The following GABRR2 variants were observed in gnomAD, a reference collection of about 807,000 sequenced individuals.
GABRR2 encodes gamma-aminobutyric acid type A receptor subunit rho2.
In GABRR2, 36 loss-of-function variants were observed where a neutral mutation model predicts 47.0. The ratio of observed to expected loss-of-function variants is 0.77; its 90% CI spans 0.59 to 1.01. The LOEUF (loss-of-function observed/expected upper bound fraction) is 1.01. GABRR2 is among the 50% of genes least tolerant of loss of function. GABRR2 has a pLI of 0.00. For synonymous variants in GABRR2, 204 were observed against 227.5 expected (o/e 0.90, Z 0.93); for missense variants, 587 against 594.6 (o/e 0.99, Z 0.13).
At chr6:89,303,986 C>A (rs1369092539) in intron 1 of GABRR2, among the ~76,000 whole-genome samples, 1 of 151,960 alleles carries the variant, frequency 6.6e-6, no homozygotes, top group Non-Finnish European at 1.5e-5. Flanking sequence ...GTATAAAACT[C>A]AAAACTATAA....
chr6:89,271,107 G>GCAAACTGAAAGAGAGGCATAC (rs1296875476), intron 3 of GABRR2, among the ~76,000 whole-genome samples: 1 of 152,116 alleles, frequency 6.6e-6, no homozygotes, highest in Non-Finnish European at 1.5e-5. Context: ...GAGGAAGTTT[G>GCAAACTGAAAGAGAGGCATAC]CAAACTGAAA....
At chr6:89,295,211 G>A (rs147085162) in intron 2 of GABRR2, among the ~76,000 whole-genome samples, 2,451 of 152,224 alleles carry the variant, frequency 0.016, 67 homozygotes, top group African/African-American at 0.054. Flanking sequence ...TTGAGGAATC[G>A]CCACACTATC....
At chr6:89,292,717 GAT>G (rs1774473230) in intron 2 of GABRR2, among the ~76,000 whole-genome samples, 1 of 138,784 alleles carries the variant, frequency 7.2e-6, no homozygotes, top group Non-Finnish European at 1.6e-5. Flanking sequence ...ATATATATCA[GAT>G]ATATATCGTA....
intron 1 of GABRR2, chr6:89,302,253 A>G: frequency 1.8e-6 from 1 of 570,406 alleles, no homozygotes; most frequent in Non-Finnish European, 3.5e-6. Context: ...CATGAGGAGT[A>G]TCCCAACTGC....
At chr6:89,292,229 TCC>T (rs1049532389) in intron 2 of GABRR2, among the ~76,000 whole-genome samples, 9 of 151,546 alleles carry the variant, frequency 5.9e-5, no homozygotes, top group African/African-American at 1.9e-4. Flanking sequence ...TGATACTATA[TCC>T]CTCCAGTATC....
chr6:89,291,555 A>C (rs1774441262), intron 2 of GABRR2, among the ~76,000 whole-genome samples: 1 of 151,448 alleles, frequency 6.6e-6, no homozygotes, highest in South Asian at 2.1e-4. Flanking sequence ...GCTCCGGGGT[A>C]TACCCTTCTT....
chr6:89,278,497 A>G (rs1774204572), intron 2 of GABRR2, among the ~76,000 whole-genome samples: 1 of 152,250 alleles, frequency 6.6e-6, no homozygotes, highest in African/African-American at 2.4e-5. Context: ...ATTTGGAAAC[A>G]GTGACTTAAA....
chr6:89,309,426 T>C (rs1199602144), intron 1 of GABRR2, among the ~76,000 whole-genome samples: 5 of 152,024 alleles, frequency 3.3e-5, no homozygotes, highest in Admixed American at 3.3e-4. Context: ...TCAAACTGGA[T>C]TCTAGGCTCT....
intron 2 of GABRR2, among the ~76,000 whole-genome samples, chr6:89,285,462 C>T (rs148391937): frequency 4.5e-3 from 684 of 152,288 alleles, no homozygotes; most frequent in Non-Finnish European, 7.1e-3. Context: ...ATGAGCACCA[C>T]GTGTGAGCAT....
chr6:89,296,665 C>T (rs1774559475), intron 2 of GABRR2, among the ~76,000 whole-genome samples: 1 of 152,224 alleles, frequency 6.6e-6, no homozygotes, highest in South Asian at 2.1e-4. Context: ...GAGGGCCCCA[C>T]AGAAGGGCCC....
chr6:89,266,035 A>G (rs1450822221), intron 6 of GABRR2, among the ~76,000 whole-genome samples: 3 of 152,152 alleles, frequency 2.0e-5, no homozygotes, highest in Admixed American at 6.6e-5. Context: ...GCAGAACTAA[A>G]CAGAAGGGAA....
At chr6:89,258,283 T>C (rs906232751) in intron 8 of GABRR2, among the ~76,000 whole-genome samples, 1 of 152,098 alleles carries the variant, frequency 6.6e-6, no homozygotes, top group Non-Finnish European at 1.5e-5. Flanking sequence ...CCCTCAGTTG[T>C]AGAGACAAAA....
In GABRR2 at chr6:89,261,947, G is replaced by C. The variant is rs1170465260; in HGVS notation, c.1086+2465C>G. Among the ~76,000 whole-genome samples, 3 of 151,746 alleles carry C rather than the reference G, an allele frequency of 2.0e-5. No individual in the cohort carries two copies. The East Asian group carries it at 5.8e-4, about 29-fold the overall frequency. On this transcript the variant is annotated intron_variant, in intron 8 of 8. Transcript: ENST00000402938. ...CCAGCTACTTGGGAGGCTGAAGTGGGAGGACAGCATGAGCCCAGGAGATGG... is the reference window on the plus strand; with the variant it reads ...CCAGCTACTTGGGAGGCTGAAGTGGCAGGACAGCATGAGCCCAGGAGATGG...
At chr6:89,302,868 A>G in intron 1 of GABRR2, 1 of 1,279,180 alleles carries the variant, frequency 7.8e-7, no homozygotes, top group Non-Finnish European at 1.1e-6. Flanking sequence ...CACCCTCATC[A>G]GCAACAGCAC....
intron 1 of GABRR2, among the ~76,000 whole-genome samples, chr6:89,304,671 A>G (rs1329588585): frequency 6.6e-6 from 1 of 152,166 alleles, no homozygotes; most frequent in Non-Finnish European, 1.5e-5. Flanking sequence ...ACACTCAGCC[A>G]AAAAACATAT....
chr6:89,309,654 C>G (rs1012886268), intron 1 of GABRR2, among the ~76,000 whole-genome samples: 1 of 152,126 alleles, frequency 6.6e-6, no homozygotes, highest in African/African-American at 2.4e-5. Context: ...TCTATATGCC[C>G]TCTGCCCCTA....
In GABRR2 at chr6:89,264,436, G is replaced by C. The variant is rs1413138843; in HGVS notation, c.1062C>G (p.Arg354=). 3.1e-6 allele frequency: 5 copies of C among 1,613,686 alleles called. No homozygotes were observed. The highest frequency in any genetic ancestry group is 1.1e-5 in the South Asian group (1 of 91,068). ...CCTTCTCCCGCAGCTTCCGTTCCTT[G>C]CGCTCCTGCACGGTGGTCAGGTAGT... ...AVNYLTTVQE[R]KERKLREKFP... The change falls in exon 8 of 9, where the codon CGC becomes CGG. Residue 354 remains arginine (R), a synonymous_variant. Coordinates refer to ENST00000402938, the MANE Select transcript of GABRR2 (RefSeq NM_002043.5).
At chr6:89,284,789 G>T (rs561753991) in intron 2 of GABRR2, among the ~76,000 whole-genome samples, 1 of 152,136 alleles carries the variant, frequency 6.6e-6, no homozygotes, top group East Asian at 1.9e-4. Flanking sequence ...TGTTGTCTCC[G>T]CATTTGTGAT....
At chr6:89,265,581 C>T (rs1267626909) in intron 7 of GABRR2, 32 bp downstream of exon 7, 1 of 1,558,990 alleles carries the variant, frequency 6.4e-7, no homozygotes, top group Admixed American at 2.0e-5. Context: ...AAAAAAATAA[C>T]CACCCTACCA....
Sources: gnomAD v4.1 joint callset for allele counts (sites outside exome capture counted in the v4.1 genomes callset) on GRCh38, gnomAD v4.1.1 for gene constraint, MANE v1.5 for transcripts, NCBI Gene and HGNC (gene_info 2026-07-23, HGNC 2026-07-21) for gene names.